The following AUTS2 variants were observed in gnomAD, a reference collection of about 807,000 sequenced individuals.
The protein encoded by AUTS2 is autism susceptibility gene 2 protein.
AUTS2 carries 17 observed loss-of-function variants against 112.4 expected under a neutral mutation model. The observed-to-expected ratio is 0.15, with a 90% CI of 0.10 to 0.23. The LOEUF (loss-of-function observed/expected upper bound fraction) is 0.23. AUTS2 is among the 10% of genes least tolerant of loss of function. AUTS2 has a pLI of 1.00. For missense variants in AUTS2, 1,510 were observed against 1,701.6 expected (o/e 0.89, Z 1.98); for synonymous variants, 751 against 702.7 (o/e 1.07, Z -1.09).
intron 1 of AUTS2, 69 bp downstream of exon 1, chr7:69,600,031 T>G: frequency 6.6e-7 from 1 of 1,514,416 alleles, no homozygotes; most frequent in Non-Finnish European, 9.1e-7. Flanking sequence ...CCGGCTCTCC[T>G]GCCTCCCTCG....
intron 6 of AUTS2, among the ~76,000 whole-genome samples, chr7:70,762,316 A>G (rs536240626): frequency 6.6e-6 from 1 of 152,156 alleles, no homozygotes; most frequent in Non-Finnish European, 1.5e-5. Flanking sequence ...GTTTTTTCTC[A>G]TACAGAGACA....
chr7:70,137,462 C>CT (rs199730033), intron 4 of AUTS2, among the ~76,000 whole-genome samples: 6,755 of 131,566 alleles, frequency 0.051, 188 homozygotes, highest in East Asian at 0.14. Context: ...GTAGGATTTT[C>CT]TTTTTTTTTT....
intron 5 of AUTS2, among the ~76,000 whole-genome samples, chr7:70,670,565 T>C (rs1173941963): frequency 6.6e-6 from 1 of 152,122 alleles, no homozygotes; most frequent in African/African-American, 2.4e-5. Context: ...AACTGAGAGC[T>C]AGAAGTGGCC....
chr7:69,906,240 TC>T (rs1448981988), intron 2 of AUTS2, among the ~76,000 whole-genome samples: 1 of 152,278 alleles, frequency 6.6e-6, no homozygotes, highest in African/African-American at 2.4e-5. Context: ...TTTACATTTT[TC>T]CCTCTTGTGA....
At chr7:70,102,952 A>G (rs10279392) in intron 2 of AUTS2, among the ~76,000 whole-genome samples, 51,652 of 152,026 alleles carry the variant, frequency 0.34, 8,993 homozygotes, top group African/African-American at 0.39. Context: ...AGATTCAACC[A>G]CATCAAATTA....
At chr7:70,340,196 C>CA (rs1562892239) in intron 4 of AUTS2, among the ~76,000 whole-genome samples, 1 of 97,746 alleles carries the variant, frequency 1.0e-5, no homozygotes, top group Non-Finnish European at 2.1e-5. Flanking sequence ...ACACACACAC[C>CA]CCGTAATAAG....
intron 1 of AUTS2, among the ~76,000 whole-genome samples, chr7:69,644,088 T>C (rs572972065): frequency 1.4e-4 from 21 of 152,336 alleles, no homozygotes; most frequent in African/African-American, 5.1e-4. Flanking sequence ...CCTCCAGAAC[T>C]GTGAGAAAAT....
Position 70,729,303 on chromosome 7 carries a change from G to A in AUTS2, c.742+30683G>A, listed in dbSNP as rs529733734. 9.6e-4 allele frequency: 378 copies of A among 394,684 alleles called. 3 individuals carry two copies. The highest frequency in any genetic ancestry group is 6.6e-3 in the South Asian group (357 of 54,338). 24.4% of individuals were successfully genotyped at this position (394,684 alleles called of 1,614,324 possible). A position where few individuals can be genotyped will look rare whatever the true frequency, so the allele number is the denominator to read the frequency against. On this transcript the variant is annotated intron_variant, in intron 6 of 18. Coordinates refer to ENST00000342771, the MANE Select transcript of AUTS2 (RefSeq NM_015570.4). ...CTCTCCACTTCCCAGTTCCTTCCTG[G>A]TCAGGAGCCCGGCAGCCCCAAAGAC...
chr7:69,925,224 T>G (rs1459806074), intron 2 of AUTS2, among the ~76,000 whole-genome samples: 1 of 152,172 alleles, frequency 6.6e-6, no homozygotes, highest in Non-Finnish European at 1.5e-5. Flanking sequence ...AGAACAAGCT[T>G]TATTTTCATT....
intron 1 of AUTS2, among the ~76,000 whole-genome samples, chr7:69,764,585 G>A (rs1376261379): frequency 1.3e-5 from 2 of 152,042 alleles, no homozygotes; most frequent in Non-Finnish European, 2.9e-5. Flanking sequence ...ATGTGTGTAT[G>A]GGGAGGGACA....
At chr7:70,299,404 C>T (rs1418724342) in intron 4 of AUTS2, among the ~76,000 whole-genome samples, 3 of 152,128 alleles carry the variant, frequency 2.0e-5, no homozygotes, top group South Asian at 2.1e-4. Context: ...TGATTTTGGT[C>T]GGATATTCAT....
chr7:70,250,524 G>A (rs1786536062), intron 4 of AUTS2, among the ~76,000 whole-genome samples: 1 of 152,180 alleles, frequency 6.6e-6, no homozygotes, highest in Non-Finnish European at 1.5e-5. Flanking sequence ...GTTCTCATCA[G>A]AATGAAACTA....
At chr7:70,372,658 C>CTT (rs1217902933) in intron 4 of AUTS2, among the ~76,000 whole-genome samples, 21 of 140,372 alleles carry the variant, frequency 1.5e-4, no homozygotes, top group African/African-American at 4.2e-4. Context: ...TCCTTTCTTT[C>CTT]TTTTTTTTTT....
intron 4 of AUTS2, among the ~76,000 whole-genome samples, chr7:70,407,831 G>T (rs1204198510): frequency 2.0e-5 from 3 of 152,070 alleles, no homozygotes; most frequent in Non-Finnish European, 4.4e-5. Flanking sequence ...AAGGCGGGCG[G>T]ATCATGGGGT....
At chr7:70,505,082 G>C (rs1298482224) in intron 5 of AUTS2, among the ~76,000 whole-genome samples, 2 of 152,226 alleles carry the variant, frequency 1.3e-5, no homozygotes, top group African/African-American at 4.8e-5. Context: ...TGCTTCACCA[G>C]ATGTGGAGTC....
chr7:70,357,976 G>A (rs1019833075), intron 4 of AUTS2, among the ~76,000 whole-genome samples: 6 of 130,960 alleles, frequency 4.6e-5, no homozygotes, highest in Admixed American at 1.4e-4. Context: ...TTGAGAGCAT[G>A]GAGGTTGGCG....
intron 4 of AUTS2, among the ~76,000 whole-genome samples, chr7:70,203,015 C>T (rs1810369178): frequency 7.4e-6 from 1 of 135,404 alleles, no homozygotes; most frequent in African/African-American, 2.9e-5. Context: ...ACTATGCAGC[C>T]ATAAAAAATG....
At chr7:70,036,526 C>T (rs1801010437) in intron 2 of AUTS2, among the ~76,000 whole-genome samples, 1 of 152,186 alleles carries the variant, frequency 6.6e-6, no homozygotes, top group Non-Finnish European at 1.5e-5. Flanking sequence ...CCTAGTTTCC[C>T]ACCTTGTTTC....
intron 4 of AUTS2, among the ~76,000 whole-genome samples, chr7:70,417,435 C>T (rs564058271): frequency 1.3e-5 from 2 of 152,302 alleles, no homozygotes; most frequent in South Asian, 4.1e-4. Context: ...CACAGCGAGG[C>T]AATTTCCAGG....
Sources: allele counts gnomAD v4.1 joint callset (sites outside exome capture counted in the v4.1 genomes callset), GRCh38; gene constraint gnomAD v4.1.1; transcripts MANE v1.5; gene names NCBI Gene and HGNC (gene_info 2026-07-23, HGNC 2026-07-21).